AUTS2: variants seen among roughly 807,000 people sequenced by gnomAD.
AUTS2 encodes the protein autism susceptibility gene 2 protein.
In AUTS2, 17 loss-of-function variants were observed where a neutral mutation model predicts 112.4. The observed-to-expected ratio is 0.15, with a 90% CI of 0.10 to 0.23. The LOEUF (loss-of-function observed/expected upper bound fraction) is 0.23. Ranked by LOEUF, AUTS2 falls within the 10% of genes least tolerant of loss-of-function variation. The probability of loss-of-function intolerance (pLI) is 1.00; values close to 1 mark genes in which losing one functional copy is unlikely to be tolerated. For missense variants in AUTS2, 1,510 were observed against 1,701.6 expected, an observed-to-expected ratio of 0.89 and a Z score of 1.98; for synonymous variants, 751 against 702.7, an observed-to-expected ratio of 1.07 and a Z score of -1.09.
At chr7:69,622,222 C>T (rs1793704504) in intron 1 of AUTS2, among the ~76,000 whole-genome samples, 1 of 152,118 alleles carries the variant, frequency 6.6e-6, no homozygotes. Context: ...CAGCAGGCTT[C>T]CCGATTGTGT....
chr7:69,631,112 G>A (rs1052189618), intron 1 of AUTS2, among the ~76,000 whole-genome samples: 6 of 152,082 alleles, frequency 3.9e-5, no homozygotes, highest in African/African-American at 1.4e-4. Flanking sequence ...TTTAACTTTG[G>A]GTTGAGTGTT....
intron 2 of AUTS2, among the ~76,000 whole-genome samples, chr7:70,038,161 G>A (rs776683662): frequency 8.6e-5 from 13 of 151,988 alleles, no homozygotes; most frequent in Admixed American, 4.6e-4. Context: ...TTGAGAACCC[G>A]TAGGCTCTGG....
At chr7:69,984,411 A>G (rs1798423827) in intron 2 of AUTS2, among the ~76,000 whole-genome samples, 1 of 151,446 alleles carries the variant, frequency 6.6e-6, no homozygotes, top group Non-Finnish European at 1.5e-5. Flanking sequence ...TGTCTCAAAA[A>G]AAAAAAAAAA....
At chr7:70,133,925 C>T (rs908437702) in intron 3 of AUTS2, among the ~76,000 whole-genome samples, 2 of 152,216 alleles carry the variant, frequency 1.3e-5, no homozygotes, top group Admixed American at 6.5e-5. Flanking sequence ...AAAAATGGTG[C>T]TTTTCACTGC....
intron 1 of AUTS2, among the ~76,000 whole-genome samples, chr7:69,862,933 G>A (rs545055009): frequency 2.6e-5 from 4 of 152,252 alleles, no homozygotes; most frequent in Admixed American, 1.3e-4. Context: ...TTAAAATGAT[G>A]CTTGGAAAAA....
At chr7:69,907,991 C>G (rs1274876350) in intron 2 of AUTS2, among the ~76,000 whole-genome samples, 1 of 152,168 alleles carries the variant, frequency 6.6e-6, no homozygotes, top group Non-Finnish European at 1.5e-5. Context: ...TTGCCCATAG[C>G]TTTGCACAGA....
chr7:69,766,625 G>A (rs1788433780), intron 1 of AUTS2, among the ~76,000 whole-genome samples: 1 of 152,192 alleles, frequency 6.6e-6, no homozygotes, highest in South Asian at 2.1e-4. Context: ...GGTAAGTGAA[G>A]TTCTCAGTCA....
chr7:70,208,572 A>G (rs1324135851), intron 4 of AUTS2, among the ~76,000 whole-genome samples: 2 of 152,128 alleles, frequency 1.3e-5, no homozygotes, highest in African/African-American at 4.8e-5. Flanking sequence ...TGCTGTGAAT[A>G]TAGTGCTGAA....
intron 2 of AUTS2, among the ~76,000 whole-genome samples, chr7:69,904,315 A>C (rs1362672285): frequency 2.0e-5 from 3 of 152,210 alleles, no homozygotes; most frequent in Non-Finnish European, 4.4e-5. Context: ...ATTTGTTACT[A>C]GTAGAAATTA....
chr7:69,972,702 C>T (rs937517038), intron 2 of AUTS2, among the ~76,000 whole-genome samples: 2 of 148,702 alleles, frequency 1.3e-5, no homozygotes, highest in South Asian at 2.1e-4. Flanking sequence ...TGTGTGTGTG[C>T]ACGTTCCTGT....
intron 1 of AUTS2, among the ~76,000 whole-genome samples, chr7:69,694,861 C>G (rs1797488367): frequency 6.6e-6 from 1 of 152,102 alleles, no homozygotes; most frequent in Non-Finnish European, 1.5e-5. Context: ...TCTAGCTTTG[C>G]AAAACGCCAA....
chr7:69,770,313 C>T (rs137911197), intron 1 of AUTS2, among the ~76,000 whole-genome samples: 26 of 152,330 alleles, frequency 1.7e-4, no homozygotes, highest in African/African-American at 6.0e-4. Context: ...TGCAGTCATT[C>T]AGCAGACATT....
intron 5 of AUTS2, among the ~76,000 whole-genome samples, chr7:70,584,388 G>A (rs761296132): frequency 1.1e-4 from 16 of 152,270 alleles, no homozygotes; most frequent in Admixed American, 2.0e-4. Flanking sequence ...TGAGGTCTCC[G>A]GATCGCTCTG....
intron 1 of AUTS2, among the ~76,000 whole-genome samples, chr7:69,852,146 C>A (rs1456063354): frequency 6.6e-6 from 1 of 151,982 alleles, no homozygotes; most frequent in African/African-American, 2.4e-5. Context: ...TGAGGAAATT[C>A]CTTTCTATTC....
At chr7:70,253,080 T>C (rs1429484562) in intron 4 of AUTS2, among the ~76,000 whole-genome samples, 1 of 152,158 alleles carries the variant, frequency 6.6e-6, no homozygotes, top group Non-Finnish European at 1.5e-5. Context: ...CTAAGCAGTC[T>C]TGAATTCATT....
chr7:70,471,131 A>G (rs1418082536), intron 5 of AUTS2, among the ~76,000 whole-genome samples: 1 of 152,200 alleles, frequency 6.6e-6, no homozygotes, highest in East Asian at 1.9e-4. Flanking sequence ...GGCTGTTGAA[A>G]GAAGGATTCT....
chr7:69,808,022 A>G (rs796916395), intron 1 of AUTS2, among the ~76,000 whole-genome samples: 2 of 150,846 alleles, frequency 1.3e-5, no homozygotes, highest in African/African-American at 4.9e-5. Context: ...CCCAGGTTCA[A>G]GCAGTTCTCC....
intron 6 of AUTS2, among the ~76,000 whole-genome samples, chr7:70,706,182 T>C (rs924587635): frequency 1.3e-5 from 2 of 152,202 alleles, no homozygotes; most frequent in Non-Finnish European, 2.9e-5. Context: ...AAAAGTCTTA[T>C]GTTAGGTGTC....
intron 5 of AUTS2, among the ~76,000 whole-genome samples, chr7:70,672,067 A>T (rs1807671777): frequency 6.6e-6 from 1 of 152,166 alleles, no homozygotes; most frequent in African/African-American, 2.4e-5. Flanking sequence ...CCTAGGTAAG[A>T]CCACTGACAA....
Sources: allele counts gnomAD v4.1 joint callset (sites outside exome capture counted in the v4.1 genomes callset), GRCh38; gene constraint gnomAD v4.1.1; transcripts MANE v1.5; gene names NCBI Gene and HGNC (gene_info 2026-07-23, HGNC 2026-07-21).